The following NFILZ variants were observed in gnomAD, a reference collection of about 807,000 sequenced individuals.
NFILZ encodes NFIL3 like protein.
At chr19:8,663,736 G>GTATGTGTGTGTA (rs782229587) in intron 3 of NFILZ, among the ~76,000 whole-genome samples, 13 of 136,036 alleles carry the variant, frequency 9.6e-5, no homozygotes, top group African/African-American at 2.4e-4. Context: ...GTGTGTGTGT[G>GTATGTGTGTGTA]TGTGTGTGTG....
intron 3 of NFILZ, among the ~76,000 whole-genome samples, chr19:8,671,679 C>G (rs1320451370): frequency 6.6e-6 from 1 of 152,160 alleles, no homozygotes; most frequent in Non-Finnish European, 1.5e-5. Flanking sequence ...CCACTTCTGT[C>G]TTCTCTCCTA....
At chr19:8,634,960 A>G (rs1485718712) in intron 2 of NFILZ, among the ~76,000 whole-genome samples, 1 of 152,178 alleles carries the variant, frequency 6.6e-6, no homozygotes, top group Non-Finnish European at 1.5e-5. Context: ...ATATTAGTAT[A>G]CGATTCTGTG....
chr19:8,654,670 AAAAG>A (rs1169226487), intron 3 of NFILZ, among the ~76,000 whole-genome samples: 7 of 152,238 alleles, frequency 4.6e-5, no homozygotes, highest in African/African-American at 1.7e-4. Flanking sequence ...AAGAAAAAGA[AAAAG>A]AAATAAATAT....
At chr19:8,652,981 TTCCTTCCTTCCTTCCTTCCTTCCTTC>T (rs2042972508) in intron 3 of NFILZ, among the ~76,000 whole-genome samples, 47 of 88,092 alleles carry the variant, frequency 5.3e-4, no homozygotes, top group East Asian at 3.1e-3. Flanking sequence ...CCTTCCTTCC[TTCCTTCCTTCCTTCCTTCCTTCCTTC>T]CTTCCTTTCT....
intron 3 of NFILZ, among the ~76,000 whole-genome samples, chr19:8,656,354 C>CTCTCTGAAACCCA (rs1600147428): frequency 8.9e-6 from 1 of 112,710 alleles, no homozygotes; most frequent in Non-Finnish European, 2.0e-5. Context: ...CCCACCTCTT[C>CTCTCTGAAACCCA]CCTGAAGCCC....
At chr19:8,672,067 G>A (rs1402126398) in intron 3 of NFILZ, among the ~76,000 whole-genome samples, 1 of 152,008 alleles carries the variant, frequency 6.6e-6, no homozygotes, top group African/African-American at 2.4e-5. Context: ...ATTTACCCAC[G>A]CTTCACTCAA....
intron 3 of NFILZ, among the ~76,000 whole-genome samples, chr19:8,653,038 T>TTCTTTCTCTCTCCCTCTCTCTCTCTC (rs1555747925): frequency 7.7e-5 from 7 of 90,594 alleles, no homozygotes; most frequent in Non-Finnish European, 1.5e-4. Context: ...CTTTCTTTCT[T>TTCTTTCTCTCTCCCTCTCTCTCTCTC]TCTCTCTCTC....
rs2918300 is a variant in NFILZ at position 8,677,192 on chromosome 19, C to T, written c.427C>T (p.Arg143Cys). The change falls in exon 6 of 6, where the codon CGT becomes TGT. Residue 143 changes from arginine (R) to cysteine (C), a missense_variant. By Grantham distance (180) the Arg-to-Cys change is radical. Coordinates refer to ENST00000691075, the MANE Select transcript of NFILZ (RefSeq NM_001378600.1). ...CTCTCACAGCTGCCTCTTAAGGCCA[C>T]GTTCCCTGGATGCTGGGATTCCAGG... ...SGSHSCLLRP[R>C]SLDAGIPGCR... 61,217 of 152,794 alleles carry T rather than the reference C, an allele frequency of 0.4. 12,470 individuals carry two copies. Among genetic ancestry groups the T allele is most frequent in the Admixed American group, 0.46 (7,057 of 15,312 alleles). The allele number at this position is 152,794 out of a possible 1,614,324, so 9.5% of individuals were successfully genotyped here. A position where few individuals can be genotyped will look rare whatever the true frequency, so the allele number is the denominator to read the frequency against.
In NFILZ at chr19:8,678,091, T is replaced by TCCG. The variant is rs2043122807; in HGVS notation, c.*456_*457insCCG. 1.4e-3 allele frequency among the ~76,000 whole-genome samples: 6 copies of TCCG among 4,146 alleles called. No individual in the cohort carries two copies. The highest frequency in any genetic ancestry group is 2.3e-3 in the Admixed American group (1 of 440). The allele number at this position is 4,146 out of a possible 152,430, so 2.7% of individuals were successfully genotyped here. ...ATCCATCCATCAATCCATCCATCCA[T>TCCG]TCCATCCATCCATCCATCCATCCAT... On this transcript the variant is annotated 3_prime_UTR_variant, in exon 6 of 6. Transcript: ENST00000691075.
At chr19:8,663,934 GCTTC>G (rs2043049731) in intron 3 of NFILZ, among the ~76,000 whole-genome samples, 1 of 152,028 alleles carries the variant, frequency 6.6e-6, no homozygotes, top group Non-Finnish European at 1.5e-5. Flanking sequence ...GTGCCTCTGA[GCTTC>G]CTTCCTTTGA....
At chr19:8,652,930 C>CTCTT (rs1257965991) in intron 3 of NFILZ, among the ~76,000 whole-genome samples, 1 of 145,246 alleles carries the variant, frequency 6.9e-6, no homozygotes, top group South Asian at 2.2e-4. Flanking sequence ...TCTTCTCTCT[C>CTCTT]TCTTTCTCTC....
intron 3 of NFILZ, among the ~76,000 whole-genome samples, chr19:8,650,358 A>G (rs1420511398): frequency 1.3e-5 from 2 of 152,030 alleles, no homozygotes; most frequent in African/African-American, 4.8e-5. Flanking sequence ...GGATGGGTAT[A>G]AAGAAATTAA....
At position 8,662,425 on chromosome 19, in the gene NFILZ, G is replaced by A. The variant is rs555624096; in HGVS notation, c.-163-12126G>A. On this transcript the variant is annotated intron_variant, in intron 3 of 5. Coordinates refer to ENST00000691075, the MANE Select transcript of NFILZ (RefSeq NM_001378600.1). The stretch of plus-strand genomic sequence containing the variant: ...AGGGAGGAGCGATGTGAGTGTCTGG[G>A]GAACAGCATTCCTGGCAGAGGGAAC... Among the ~76,000 whole-genome samples the A allele has an allele frequency of 3.9e-5, 6 of 152,066 alleles. No homozygotes were observed. In the East Asian group the frequency reaches 9.7e-4, roughly 25 times the overall value.
chr19:8,667,926 A>G (rs2043069854), intron 3 of NFILZ, among the ~76,000 whole-genome samples: 3 of 152,014 alleles, frequency 2.0e-5, no homozygotes, highest in Admixed American at 2.0e-4. Flanking sequence ...TTGTTATACT[A>G]TATATGTATT....
intron 3 of NFILZ, among the ~76,000 whole-genome samples, chr19:8,671,899 G>T (rs1024718589): frequency 6.6e-6 from 1 of 152,186 alleles, no homozygotes; most frequent in Non-Finnish European, 1.5e-5. Flanking sequence ...GTGAGGGCTT[G>T]TCTGGGGTCT....
At chr19:8,658,189 G>A (rs2043013670) in intron 3 of NFILZ, among the ~76,000 whole-genome samples, 1 of 152,186 alleles carries the variant, frequency 6.6e-6, no homozygotes, top group Non-Finnish European at 1.5e-5. Flanking sequence ...AGAGGTAGCA[G>A]GATGATTTGG....
rs1240754906 is a variant in NFILZ, at chr19:8,680,914, A to G, written c.*3279A>G. Among the ~76,000 whole-genome samples the G allele has an allele frequency of 6.6e-6, 1 of 151,850 alleles. No individual in the cohort carries two copies. Among genetic ancestry groups the G allele is most frequent in the Non-Finnish European group, 1.5e-5 (1 of 67,984 alleles). ...CCTAGTGTTTTGAGGAAGATTGAGG[A>G]GGCCCATGTGGCTGGAGTGGAGTGA... is the stretch of plus-strand genomic sequence containing the variant. On this transcript the variant is annotated 3_prime_UTR_variant, in exon 6 of 6. Coordinates refer to ENST00000691075, the MANE Select transcript of NFILZ (RefSeq NM_001378600.1).
chr19:8,656,288 AC>A (rs2042994220), intron 3 of NFILZ, among the ~76,000 whole-genome samples: 1 of 20,906 alleles, frequency 4.8e-5, no homozygotes, highest in African/African-American at 1.5e-4. Flanking sequence ...CCTTCTCCCC[AC>A]AGCCCACCTC....
Position 8,659,508 on chromosome 19 carries a change from G to A in NFILZ, c.-163-15043G>A, listed in dbSNP as rs74913462. Among the ~76,000 whole-genome samples, 934 of 152,236 alleles carry A rather than the reference G, an allele frequency of 6.1e-3. 26 individuals carry two copies. The highest frequency in any genetic ancestry group is 0.04 in the East Asian group (206 of 5,164). The stretch of plus-strand genomic sequence containing the variant: ...CTCCGAATGGTGGGAAGGCCAGTGT[G>A]GCTGGAGTAGGGTCAGGATACGCTC... On this transcript the variant is annotated intron_variant, in intron 3 of 5. Coordinates refer to ENST00000691075, the MANE Select transcript of NFILZ (RefSeq NM_001378600.1).
Sources: allele counts gnomAD v4.1 joint callset (sites outside exome capture counted in the v4.1 genomes callset), GRCh38; gene constraint gnomAD v4.1.1; transcripts MANE v1.5; gene names NCBI Gene and HGNC (gene_info 2026-07-23, HGNC 2026-07-21).